The following ARID3C variants were observed in gnomAD, a reference collection of about 807,000 sequenced individuals.
The protein encoded by ARID3C is AT-rich interaction domain 3C, also known as AT-rich interactive domain-containing protein 3C.
ARID3C carries 42 observed loss-of-function variants against 37.9 expected under a neutral mutation model. That is an observed-to-expected ratio of 1.11 (90% CI 0.87 to 1.43). ARID3C has a LOEUF of 1.43. ARID3C is among the 40% of genes most tolerant of loss of function. The pLI is 0.00. For missense variants in ARID3C, 581 were observed against 548.8 expected (o/e 1.06, Z -0.59); for synonymous variants, 213 against 228.0 (o/e 0.93, Z 0.59).
chr9:34,626,585 G>A (rs2132314023), intron 1 of ARID3C, among the ~76,000 whole-genome samples: 1 of 152,268 alleles, frequency 6.6e-6, no homozygotes, highest in South Asian at 2.1e-4. Flanking sequence ...AACAGTCCTT[G>A]AGTAACACCT....
At chr9:34,623,540 C>T (rs774346846) in exon 4 of ARID3C, 3 of 1,583,800 alleles carry the variant, frequency 1.9e-6, no homozygotes, top group South Asian at 2.3e-5. Flanking sequence ...GGCCGGGACC[C>T]AAGGCTGGGT....
upstream of ARID3C, among the ~76,000 whole-genome samples, chr9:34,630,846 C>T (rs1180521985): frequency 2.0e-5 from 3 of 152,140 alleles, no homozygotes; most frequent in African/African-American, 4.8e-5. Flanking sequence ...GACCTCTGAG[C>T]CCATCAGAAC....
intron 2 of ARID3C, among the ~76,000 whole-genome samples, chr9:34,624,758 C>T (rs904098442): frequency 6.6e-6 from 1 of 152,256 alleles, no homozygotes; most frequent in Non-Finnish European, 1.5e-5. Flanking sequence ...GAACAATTAG[C>T]TGCGGCCTGA....
exon 4 of ARID3C, chr9:34,623,477 G>C: frequency 6.5e-7 from 1 of 1,539,488 alleles, no homozygotes; most frequent in Non-Finnish European, 8.7e-7. Context: ...CTGGCAGGCC[G>C]GAGGTGGAAC....
At chr9:34,631,386 A>C (rs749442436), upstream of ARID3C, among the ~76,000 whole-genome samples, 2 of 152,164 alleles carry the variant, frequency 1.3e-5, no homozygotes, top group Non-Finnish European at 2.9e-5. Context: ...GACTTGGTTT[A>C]TCTCTCTTCA....
upstream of ARID3C, among the ~76,000 whole-genome samples, chr9:34,632,497 G>C (rs76038827): frequency 0.029 from 4,339 of 152,220 alleles, 216 homozygotes; most frequent in African/African-American, 0.1. Flanking sequence ...AAGTCTGACT[G>C]GCTGCTGCGT....
chr9:34,632,850 AG>A (rs749139553), upstream of ARID3C, among the ~76,000 whole-genome samples: 6 of 152,130 alleles, frequency 3.9e-5, no homozygotes, highest in Non-Finnish European at 7.4e-5. Context: ...TAGACAGCCA[AG>A]TGGAGATGTT....
chr9:34,629,345 C>A (rs536352301), upstream of ARID3C, among the ~76,000 whole-genome samples: 70 of 152,234 alleles, frequency 4.6e-4, no homozygotes, highest in Non-Finnish European at 9.0e-4. Context: ...TACAAATAGC[C>A]GCATCCACAC....
At chr9:34,621,416 C>G (rs1324822433) in exon 7 of ARID3C, 1 of 1,365,978 alleles carries the variant, frequency 7.3e-7, no homozygotes, top group South Asian at 1.5e-5. Flanking sequence ...CTCCTCCCCC[C>G]TCAGCAATGG....
chr9:34,622,467 G>C, exon 5 of ARID3C: 2 of 1,614,032 alleles, frequency 1.2e-6, no homozygotes, highest in Non-Finnish European at 1.7e-6. Context: ...AATTTCTCCC[G>C]TGTAGGTCCC....
rs557801494 is a variant in ARID3C at position 34,622,397 on chromosome 9, C to T, written c.998G>A (p.Arg333Gln). ...CAGGAAACTGGGGGGCATGCAAGGT[C>T]GAGGTGGGTCCATAGGCCCCATCAG... Residue 333 changes from arginine to glutamine, a missense_variant, in exon 5 of 7, where the codon CGA becomes CAA. Physicochemically the swap from Arg to Gln is conservative, Grantham distance 43. Transcript: ENST00000378909. 7.4e-6 allele frequency: 12 copies of T among 1,613,568 alleles called. No individual in the cohort carries two copies. In the African/African-American group the frequency reaches 9.3e-5, roughly 13 times the overall value.
At chr9:34,623,267 C>G (rs1193334619) in intron 4 of ARID3C, among the ~76,000 whole-genome samples, 158 bp downstream of exon 5, 1 of 152,048 alleles carries the variant, frequency 6.6e-6, no homozygotes, top group African/African-American at 2.4e-5. Flanking sequence ...GACCCCTAAA[C>G]CTTAGTGACC....
intron 1 of ARID3C, among the ~76,000 whole-genome samples, chr9:34,626,184 G>C (rs762048688): frequency 2.0e-5 from 3 of 152,190 alleles, no homozygotes; most frequent in Non-Finnish European, 2.9e-5. Flanking sequence ...TTGTATACCA[G>C]ACTGAGGAGA....
chr9:34,623,974 G>A, exon 3 of ARID3C: 2 of 1,604,978 alleles, frequency 1.2e-6, no homozygotes, highest in East Asian at 2.2e-5. Context: ...CGCCCTTGGC[G>A]GTCACCAGGC....
intron 2 of ARID3C, among the ~76,000 whole-genome samples, chr9:34,625,006 A>G (rs895431059): frequency 6.7e-6 from 1 of 148,514 alleles, no homozygotes; most frequent in Non-Finnish European, 1.5e-5. Flanking sequence ...GGGACCAGAA[A>G]GAGGTGCTGG....
At chr9:34,623,617 G>A (rs1174077326) in exon 4 of ARID3C, 45 of 1,606,618 alleles carry the variant, frequency 2.8e-5, no homozygotes, top group Non-Finnish European at 3.7e-5. Context: ...GCCTGGCGAC[G>A]GCCCTCGCGC....
At chr9:34,626,885 C>T (rs1820660008) in intron 1 of ARID3C, among the ~76,000 whole-genome samples, 1 of 152,118 alleles carries the variant, frequency 6.6e-6, no homozygotes, top group South Asian at 2.1e-4. Context: ...ATACCCAGAC[C>T]AACACCCTAC....
intron 6 of ARID3C, 47 bp from the exon 8 acceptor site, chr9:34,621,605 G>T: frequency 7.2e-7 from 1 of 1,387,902 alleles, no homozygotes; most frequent in Non-Finnish European, 9.9e-7. Flanking sequence ...CAAGCAGGAG[G>T]GGGTAGGGTA....
At position 34,627,986 on chromosome 9, in the gene ARID3C, G is replaced by A. The variant is rs146932577; in HGVS notation, c.29C>T (p.Ala10Val). The A allele has an allele frequency of 5.6e-4, 849 of 1,512,166 alleles. 13 individuals carry two copies. In the East Asian group the frequency reaches 0.019, roughly 33 times the overall value. 93.7% of individuals were successfully genotyped at this position (1,512,166 alleles called of 1,614,324 possible). A position where few individuals can be genotyped will look rare whatever the true frequency, so the allele number is the denominator to read the frequency against. Reference sequence around the variant, plus strand: ...TGGCCCCACCCCCTGGGCCAGCCGAGCTGCCTGCTGCTTCTGCAGGGCCTC... The same window carrying A: ...TGGCCCCACCCCCTGGGCCAGCCGAACTGCCTGCTGCTTCTGCAGGGCCTC... The change falls in exon 1 of 7, where the codon GCT becomes GTT. Residue 10 changes from alanine to valine, a missense_variant. Physicochemically the swap from Ala to Val is moderately conservative, Grantham distance 64. Coordinates refer to ENST00000378909, the Ensembl canonical transcript of ARID3C.
Sources: gnomAD v4.1 joint callset for allele counts (sites outside exome capture counted in the v4.1 genomes callset) on GRCh38, gnomAD v4.1.1 for gene constraint, MANE v1.5 for transcripts, NCBI Gene and HGNC (gene_info 2026-07-23, HGNC 2026-07-21) for gene names.